Variants in GPC6 observed in about 807,000 individuals in gnomAD.
GPC6 encodes glypican 6.
A neutral mutation model predicts 55.2 loss-of-function variants in GPC6; 14 were observed. The ratio of observed to expected loss-of-function variants is 0.25; its 90% confidence interval spans 0.17 to 0.40. GPC6 has a LOEUF of 0.40. Ranked by LOEUF, GPC6 falls within the 10% of genes least tolerant of loss-of-function variation. The pLI, the probability that GPC6 is intolerant of heterozygous loss-of-function variation, is 1.00. For missense variants in GPC6, 641 were observed against 708.5 expected (o/e 0.90, Z 1.08); for synonymous variants, 278 against 259.6 (o/e 1.07, Z -0.68).
rs938142581 is a variant in GPC6, at chr13:94,406,922, T to G, written c.*3705T>G. The G allele has an allele frequency of 6.6e-6, 1 of 152,142 alleles. No individual in the cohort carries two copies. Among genetic ancestry groups the G allele is most frequent in the Non-Finnish European group, 1.5e-5 (1 of 67,980 alleles). 9.4% of individuals were successfully genotyped at this position (152,142 alleles called of 1,614,324 possible). On this transcript the variant is annotated 3_prime_UTR_variant, in exon 9 of 9. Transcript: ENST00000377047. The stretch of plus-strand genomic sequence containing the variant: ...TACTTACTAACGAACAGACCTGATT[T>G]TTATTTAAAAACACAATTTAGCTTT...
At chr13:93,967,658 G>A (rs905569532) in intron 3 of GPC6, among the ~76,000 whole-genome samples, 1 of 152,062 alleles carries the variant, frequency 6.6e-6, no homozygotes, top group Non-Finnish European at 1.5e-5. Flanking sequence ...TCATTGTTTG[G>A]ACCTAGGAAG....
At chr13:94,059,216 C>CTTT in intron 4 of GPC6, among the ~76,000 whole-genome samples, 1 of 138,996 alleles carries the variant, frequency 7.2e-6, no homozygotes, top group African/African-American at 2.7e-5. Flanking sequence ...AAGCATTTTT[C>CTTT]TTTTTTTTTT....
rs115838042 is a variant in GPC6, at chr13:93,448,608, A to G, written c.161-96655A>G. On this transcript the variant is annotated intron_variant, in intron 1 of 8. Transcript: ENST00000377047. ...ATCCAGATACTAATTAAATAAGAAT[A>G]TAAATAGGAGACTTGCCTCTGTAAA... Among the ~76,000 whole-genome samples the G allele has an allele frequency of 6.2e-3, 950 of 152,350 alleles. 12 individuals are homozygous for G. Among genetic ancestry groups the G allele is most frequent in the African/African-American group, 0.022 (913 of 41,584 alleles).
intron 1 of GPC6, among the ~76,000 whole-genome samples, chr13:93,512,877 T>C (rs1881037292): frequency 6.6e-6 from 1 of 152,126 alleles, no homozygotes; most frequent in African/African-American, 2.4e-5. Flanking sequence ...AACTATAATA[T>C]CAGAGATATT....
At chr13:94,099,721 G>C (rs1161014353) in intron 4 of GPC6, among the ~76,000 whole-genome samples, 2 of 152,036 alleles carry the variant, frequency 1.3e-5, no homozygotes, top group African/African-American at 4.8e-5. Flanking sequence ...AGGATCTTGG[G>C]ACCGGGCTCT....
the GPC6 span, among the ~76,000 whole-genome samples, chr13:93,218,705 A>G: frequency 2.6e-5 from 4 of 152,232 alleles, no homozygotes; most frequent in Non-Finnish European, 5.9e-5. Flanking sequence ...TTGTCTGGCC[A>G]TATGGCAGAG....
At chr13:93,894,217 G>A (rs1016446850) in intron 3 of GPC6, among the ~76,000 whole-genome samples, 1 of 152,164 alleles carries the variant, frequency 6.6e-6, no homozygotes, top group Non-Finnish European at 1.5e-5. Context: ...CTAACATGCT[G>A]CTTAGTCCCA....
At chr13:93,556,396 ATG>A (rs1375447873) in intron 2 of GPC6, among the ~76,000 whole-genome samples, 11 of 79,522 alleles carry the variant, frequency 1.4e-4, no homozygotes, top group Admixed American at 4.6e-4. Context: ...GTGTGTGTGT[ATG>A]TATGTATATG....
intron 2 of GPC6, among the ~76,000 whole-genome samples, chr13:93,576,089 T>C (rs1876650076): frequency 6.6e-6 from 1 of 152,166 alleles, no homozygotes; most frequent in African/African-American, 2.4e-5. Context: ...TTCCCCTTTA[T>C]ATTTACCCCA....
intron 4 of GPC6, among the ~76,000 whole-genome samples, chr13:94,073,840 C>CA (rs1479862266): frequency 6.6e-6 from 1 of 151,998 alleles, no homozygotes; most frequent in Non-Finnish European, 1.5e-5. Context: ...ACAACAACAA[C>CA]AAAAAATGAC....
At chr13:93,310,823 A>G (rs955943934) in intron 1 of GPC6, among the ~76,000 whole-genome samples, 4 of 152,194 alleles carry the variant, frequency 2.6e-5, no homozygotes, top group African/African-American at 9.7e-5. Context: ...GTATTTGAAT[A>G]ACTGATATGA....
chr13:93,456,448 A>C (rs1878456799), intron 1 of GPC6, among the ~76,000 whole-genome samples: 1 of 152,128 alleles, frequency 6.6e-6, no homozygotes, highest in Admixed American at 6.5e-5. Context: ...AACAGATTGT[A>C]TCTCCTTGTT....
intron 4 of GPC6, among the ~76,000 whole-genome samples, chr13:94,264,081 C>T (rs1016311458): frequency 2.6e-5 from 4 of 152,126 alleles, no homozygotes; most frequent in South Asian, 4.1e-4. Flanking sequence ...GGGTAGAGAC[C>T]TAAAGTTTAG....
At chr13:93,750,582 T>C (rs1216582071) in intron 2 of GPC6, among the ~76,000 whole-genome samples, 6 of 152,138 alleles carry the variant, frequency 3.9e-5, no homozygotes. Context: ...GTAAAAAATA[T>C]ACAATTGGAA....
At chr13:93,216,658 G>A in the GPC6 span, among the ~76,000 whole-genome samples, 1 of 152,112 alleles carries the variant, frequency 6.6e-6, no homozygotes, top group East Asian at 1.9e-4. Flanking sequence ...CTAGAACATA[G>A]CAATGACCAA....
At chr13:93,885,184 CA>C (rs1875248792) in intron 3 of GPC6, among the ~76,000 whole-genome samples, 1 of 151,748 alleles carries the variant, frequency 6.6e-6, no homozygotes. Context: ...AGCCATTCTG[CA>C]GGGCAATTTG....
At chr13:93,511,402 G>C (rs1339859531) in intron 1 of GPC6, among the ~76,000 whole-genome samples, 2 of 151,048 alleles carry the variant, frequency 1.3e-5, no homozygotes, top group African/African-American at 4.9e-5. Flanking sequence ...TCTGTGTATG[G>C]ATATTCAATT....
At chr13:94,206,228 T>A (rs916706824) in intron 4 of GPC6, among the ~76,000 whole-genome samples, 2 of 152,242 alleles carry the variant, frequency 1.3e-5, no homozygotes, top group African/African-American at 4.8e-5. Context: ...TGCTTTTCTA[T>A]GAGAAGAAAT....
chr13:93,906,314 C>G (rs760373529), intron 3 of GPC6, among the ~76,000 whole-genome samples: 1 of 152,162 alleles, frequency 6.6e-6, no homozygotes, highest in Non-Finnish European at 1.5e-5. Context: ...GTAATTGAAA[C>G]CTTCCAGTCC....
Sources: gnomAD v4.1 joint callset for allele counts (sites outside exome capture counted in the v4.1 genomes callset) on GRCh38, gnomAD v4.1.1 for gene constraint, MANE v1.5 for transcripts, NCBI Gene and HGNC (gene_info 2026-07-23, HGNC 2026-07-21) for gene names.